RNF32: variants seen among roughly 807,000 people sequenced by gnomAD.
The protein encoded by RNF32 is ring finger protein 32.
RNF32 carries 36 observed loss-of-function variants against 41.0 expected under a neutral mutation model. The observed-to-expected ratio is 0.88, with a 90% CI of 0.67 to 1.16. RNF32 has a LOEUF of 1.16. Among genes scored for constraint, RNF32 ranks in the 50% most tolerant of loss-of-function variants. The probability of loss-of-function intolerance (pLI) is 0.00; values close to 1 mark genes in which losing one functional copy is unlikely to be tolerated. For missense variants in RNF32, 413 were observed against 436.7 expected (o/e 0.95, Z 0.48); for synonymous variants, 154 against 160.9 (o/e 0.96, Z 0.32).
At chr7:156,654,860 C>T in intron 4 of RNF32, 142 bp downstream of exon 4, 1 of 717,758 alleles carries the variant, frequency 1.4e-6, no homozygotes, top group Non-Finnish European at 2.3e-6. Context: ...ATTTTGTTTT[C>T]CATTAATTAA....
intron 3 of RNF32, among the ~76,000 whole-genome samples, chr7:156,646,101 AATAAAGGCATG>A (rs1322229475): frequency 3.3e-5 from 5 of 152,368 alleles, no homozygotes; most frequent in African/African-American, 9.6e-5. Flanking sequence ...TGTGCCTGTA[AATAAAGGCATG>A]CAAATCAATT....
intron 7 of RNF32, among the ~76,000 whole-genome samples, chr7:156,667,419 T>C (rs985535729): frequency 6.6e-6 from 1 of 152,208 alleles, no homozygotes; most frequent in African/African-American, 2.4e-5. Context: ...AAACTCTTAT[T>C]TAGTTTATCA....
Position 156,654,599 on chromosome 7 carries a change from C to G in RNF32, c.298C>G (p.Pro100Ala). ...AGCACAGAAGTTGGGCCTCATTGGG[C>G]CTCCACCACCTCCACTGTCATCAGA... is the stretch of plus-strand genomic sequence containing the variant. The part of the protein sequence containing the change: ...TLAQKLGLIG[P>A]PPPPLSSDEW... Residue 100 changes from proline to alanine, a missense_variant, in exon 4 of 9, where the codon CCT (proline) becomes GCT (alanine). Pro to Ala is a conservative substitution (Grantham distance 27, BLOSUM62 -1). Coordinates refer to ENST00000317955, the MANE Select transcript of RNF32 (RefSeq NM_030936.4). 1 of 1,614,030 alleles carries G rather than the reference C, an allele frequency of 6.2e-7. No individual in the cohort carries two copies. Among genetic ancestry groups the G allele is most frequent in the South Asian group, 1.1e-5 (1 of 91,054 alleles).
Position 156,658,181 on chromosome 7 carries a change from T to C in RNF32, c.504T>C (p.Cys168=). 6.2e-7 allele frequency: 1 copy of C among 1,614,114 alleles called. No homozygotes were observed. The highest frequency in any genetic ancestry group is 8.5e-7 in the Non-Finnish European group (1 of 1,179,976). The change falls in exon 6 of 9, where the codon TGT becomes TGC. Residue 168 remains cysteine, a synonymous_variant. Coordinates refer to ENST00000317955, the MANE Select transcript of RNF32 (RefSeq NM_030936.4). Reference sequence around the variant, plus strand: ...CAAATAAGAAAACCTGTCCTCTCTGTAGAAAGAACCAGTATCAAACCCGAG... The same window carrying C: ...CAAATAAGAAAACCTGTCCTCTCTGCAGAAAGAACCAGTATCAAACCCGAG... ...KFTNKKTCPL[C]RKNQYQTRVI... is the part of the protein sequence containing the mutation.
At chr7:156,654,224 T>C (rs1003525221) in intron 3 of RNF32, 1 of 158,068 alleles carries the variant, frequency 6.3e-6, no homozygotes, top group Non-Finnish European at 1.4e-5. Flanking sequence ...AAAATAACAA[T>C]ACAACAATAT....
intron 7 of RNF32, among the ~76,000 whole-genome samples, chr7:156,664,260 G>C (rs1216017105): frequency 1.3e-5 from 2 of 152,190 alleles, no homozygotes; most frequent in Non-Finnish European, 2.9e-5. Flanking sequence ...TCGGGAGTTC[G>C]AGACCAGCCT....
chr7:156,675,569 C>T, intron 7 of RNF32, 127 bp from the exon 8 acceptor site: 1 of 724,978 alleles, frequency 1.4e-6, no homozygotes, highest in Non-Finnish European at 2.3e-6. Context: ...ATCTATTTCC[C>T]TAAAAAGTAT....
upstream of RNF32, chr7:156,640,336 G>A (rs1360353206): frequency 2.2e-6 from 1 of 450,152 alleles, no homozygotes; most frequent in African/African-American, 2.0e-5. Context: ...AGGCCCAGGT[G>A]GGCGGGCGGC....
At chr7:156,664,025 G>A (rs1198890270) in intron 7 of RNF32, among the ~76,000 whole-genome samples, 3 of 152,228 alleles carry the variant, frequency 2.0e-5, no homozygotes, top group African/African-American at 7.2e-5. Flanking sequence ...GATAACGAGG[G>A]AACAGACAAA....
At chr7:156,662,805 C>T (rs976271639) in intron 7 of RNF32, among the ~76,000 whole-genome samples, 6 of 150,782 alleles carry the variant, frequency 4.0e-5, no homozygotes, top group African/African-American at 9.7e-5. Flanking sequence ...TGAGCATCTC[C>T]GTTTTTACTG....
rs373905980 is a variant in RNF32 at position 156,644,744 on chromosome 7, G to T, written c.261G>T (p.Pro87=). 1.2e-6 allele frequency: 2 copies of T among 1,606,908 alleles called. No individual in the cohort carries two copies. Among genetic ancestry groups the T allele is most frequent in the Non-Finnish European group, 1.7e-6 (2 of 1,178,726 alleles). ...AATATGTTCTTGATCCCAAACCGCCGCCGTTGACTTTGGGTAAGCTGACGT... is the reference window on the plus strand; with the variant it reads ...AATATGTTCTTGATCCCAAACCGCCTCCGTTGACTTTGGGTAAGCTGACGT... ...EKEYVLDPKP[P]PLTLAQKLGL... Residue 87 remains proline, a synonymous_variant, in exon 3 of 9, where the codon CCG becomes CCT. Transcript: ENST00000317955.
Position 156,676,470 on chromosome 7 carries a change from G to A in RNF32, c.904G>A (p.Ala302Thr), listed in dbSNP as rs367944175. ...CTCCATCTGCCTGGCCCCTCTCTCCGCTGCTGGCGGTCAGCGCGTGGGTGC... is the reference window on the plus strand; with the variant it reads ...CTCCATCTGCCTGGCCCCTCTCTCCACTGCTGGCGGTCAGCGCGTGGGTGC... ...ECSICLAPLS[A>T]AGGQRVGAGR... The change falls in exon 9 of 9, where the codon GCT becomes ACT. Residue 302 changes from alanine (A) to threonine (T), a missense_variant. Transcript: ENST00000317955. 6.8e-5 allele frequency: 109 copies of A among 1,613,932 alleles called. No individual in the cohort carries two copies. In the East Asian group the frequency reaches 1.6e-3, roughly 24 times the overall value.
intron 4 of RNF32, 130 bp from the exon 5 acceptor site, chr7:156,657,411 T>G: frequency 2.4e-6 from 2 of 829,516 alleles, no homozygotes; most frequent in Non-Finnish European, 4.1e-6. Flanking sequence ...AGTATAAATA[T>G]CAAAGTTATT....
chr7:156,653,023 G>GT (rs1310730341), intron 3 of RNF32, among the ~76,000 whole-genome samples: 2 of 152,034 alleles, frequency 1.3e-5, no homozygotes, highest in African/African-American at 4.8e-5. Context: ...TTAGTGTAGC[G>GT]TAAGTGTAGA....
chr7:156,642,691 G>A (rs547605864), intron 1 of RNF32, among the ~76,000 whole-genome samples: 1 of 152,366 alleles, frequency 6.6e-6, no homozygotes, highest in South Asian at 2.1e-4. Flanking sequence ...GTCCTGGAGA[G>A]GACGGCATCC....
At position 156,667,421 on chromosome 7, in the gene RNF32, AGTTT is replaced by A. The variant is rs1801507957; in HGVS notation, c.685-8274_685-8271del. ...ATATCAATAACTCAAACTCTTATTT[AGTTT>A]ATCAAGTATCTGATATGTGAGGCTT... is the stretch of plus-strand genomic sequence containing the variant. On this transcript the variant is annotated intron_variant, in intron 7 of 8. Coordinates refer to ENST00000317955, the MANE Select transcript of RNF32 (RefSeq NM_030936.4). Among the ~76,000 whole-genome samples, 3 of 152,230 alleles carry A rather than the reference AGTTT, an allele frequency of 2.0e-5. 1 individual carries two copies. Among genetic ancestry groups the A allele is most frequent in the Admixed American group, 2.0e-4 (3 of 15,286 alleles).
intron 3 of RNF32, among the ~76,000 whole-genome samples, chr7:156,647,162 T>C (rs1393219005): frequency 2.0e-5 from 3 of 151,630 alleles, no homozygotes; most frequent in Non-Finnish European, 4.4e-5. Flanking sequence ...TGTTTTTTTT[T>C]AATTTTTTGT....
chr7:156,644,598 C>G lies in RNF32; in HGVS notation c.115C>G (p.His39Asp). 6.2e-7 allele frequency: 1 copy of G among 1,613,226 alleles called. No individual in the cohort carries two copies. The highest frequency in any genetic ancestry group is 2.2e-5 in the East Asian group (1 of 44,862). Residue 39 changes from histidine to aspartate, a missense_variant, in exon 3 of 9, where the codon CAT (histidine) becomes GAT (aspartate). Transcript: ENST00000317955. ...ACTTCGAAATCTTTCAGTTGCAGAT[C>G]ATTCTAAGACACAAGTACAAAAGAA... ...LQLRNLSVADHSKTQVQKKEN... is the reference protein window; with the variant it reads ...LQLRNLSVADDSKTQVQKKEN...
intron 4 of RNF32, 85 bp downstream of exon 4, chr7:156,654,803 C>A: frequency 2.3e-6 from 3 of 1,323,778 alleles, no homozygotes; most frequent in South Asian, 1.4e-5. Context: ...AGATTCCAAG[C>A]TTCCTTTTTC....
Sources: gnomAD v4.1 joint callset for allele counts (sites outside exome capture counted in the v4.1 genomes callset) on GRCh38, gnomAD v4.1.1 for gene constraint, MANE v1.5 for transcripts, NCBI Gene and HGNC (gene_info 2026-07-23, HGNC 2026-07-21) for gene names.